DUSP19: variants seen among roughly 807,000 people sequenced by gnomAD.
The protein encoded by DUSP19 is dual specificity phosphatase 19.
A neutral mutation model predicts 16.6 loss-of-function variants in DUSP19; 14 were observed. The ratio of observed to expected loss-of-function variants is 0.84; its 90% CI spans 0.56 to 1.32. The LOEUF (loss-of-function observed/expected upper bound fraction) is 1.32. Ranked by LOEUF, DUSP19 falls within the 40% of genes most tolerant of loss-of-function variation. The pLI, the probability that DUSP19 is intolerant of heterozygous loss-of-function variation, is 0.00. For synonymous variants in DUSP19, 81 were observed against 90.5 expected, an observed-to-expected ratio of 0.90 and a Z score of 0.59; for missense variants, 258 against 255.9, an observed-to-expected ratio of 1.01 and a Z score of -0.06.
chr2:183,091,110 GT>G (rs1195488306), intron 3 of DUSP19, among the ~76,000 whole-genome samples: 1 of 152,152 alleles, frequency 6.6e-6, no homozygotes, highest in African/African-American at 2.4e-5. Flanking sequence ...TATTCTGGTA[GT>G]TGGTGATTCT....
chr2:183,090,004 C>A (rs1397926681), intron 3 of DUSP19, among the ~76,000 whole-genome samples: 2 of 152,044 alleles, frequency 1.3e-5, no homozygotes, highest in African/African-American at 4.8e-5. Flanking sequence ...AAATGCCTGA[C>A]GTCAAGTGAT....
At chr2:183,082,413 A>ATT (rs1699603481) in intron 1 of DUSP19, among the ~76,000 whole-genome samples, 1 of 125,388 alleles carries the variant, frequency 8.0e-6, no homozygotes, top group African/African-American at 3.2e-5. Flanking sequence ...CATTGAGAAC[A>ATT]TTTTTCTTTT....
Position 183,095,415 on chromosome 2 carries a change from G to GTTTT in DUSP19, c.427-8_427-5dup, listed in dbSNP as rs57818913. 5 of 1,267,208 alleles carry GTTTT rather than the reference G, an allele frequency of 3.9e-6. No homozygotes were observed. The highest frequency in any genetic ancestry group is 1.4e-5 in the South Asian group (1 of 69,722). The allele number at this position is 1,267,208 out of a possible 1,614,324, so 78.5% of individuals were successfully genotyped here. On this transcript the variant is annotated splice_polypyrimidine_tract_variant and intron_variant, in intron 3 of 3. Coordinates refer to ENST00000354221, the MANE Select transcript of DUSP19 (RefSeq NM_080876.4). ...AAATGAATAATGAAGATTTTTGTTT[G>GTTTT]TTTTTTTTTTTGTAGGATGGAGTGG...
intron 3 of DUSP19, 113 bp from the exon 4 acceptor site, chr2:183,095,314 AAATC>A (rs1699783497): frequency 1.2e-6 from 1 of 834,290 alleles, no homozygotes; most frequent in East Asian, 2.7e-5. Flanking sequence ...TGAATCAAAT[AAATC>A]AATAAAACTG....
In DUSP19 at chr2:183,087,041, T is replaced by C; in HGVS notation, c.275T>C (p.Val92Ala). ...HDLDTLKKNK[V>A]THILNVAYGV... ...TCATCTTTTTTCTTTCTCTTTAAGG[T>C]GACTCATATTCTTAATGTTGCATAT... is the stretch of plus-strand genomic sequence containing the variant. Residue 92 changes from valine (V) to alanine (A), a missense_variant and splice_region_variant, in exon 3 of 4, where the codon GTG (valine) becomes GCG (alanine). Val to Ala is a moderately conservative substitution (Grantham distance 64). Coordinates refer to ENST00000354221, the MANE Select transcript of DUSP19 (RefSeq NM_080876.4). The C allele has an allele frequency of 6.2e-7, 1 of 1,608,212 alleles. No individual in the cohort carries two copies. Among genetic ancestry groups the C allele is most frequent in the East Asian group, 2.2e-5 (1 of 44,698 alleles).
chr2:183,095,748 A>C lies in DUSP19; in HGVS notation c.*90A>C. 1 of 1,016,122 alleles carries C rather than the reference A, an allele frequency of 9.8e-7. No homozygotes were observed. The highest frequency in any genetic ancestry group is 1.4e-6 in the Non-Finnish European group (1 of 707,150). The allele number at this position is 1,016,122 out of a possible 1,614,324, so 62.9% of individuals were successfully genotyped here. The stretch of plus-strand genomic sequence containing the variant: ...CTTTTTTGGAGAGTAGACTAGCAAA[A>C]CTCCCTTTTTTCTCTTGCCTTTTTT... On this transcript the variant is annotated 3_prime_UTR_variant, in exon 4 of 4. Transcript: ENST00000354221.
At chr2:183,093,023 T>G (rs1699752907) in intron 3 of DUSP19, among the ~76,000 whole-genome samples, 1 of 152,054 alleles carries the variant, frequency 6.6e-6, no homozygotes, top group Middle Eastern at 3.2e-3. Flanking sequence ...TTAATGGAAG[T>G]TAAATATAAG....
intron 3 of DUSP19, among the ~76,000 whole-genome samples, chr2:183,093,950 A>C (rs1262668210): frequency 6.6e-6 from 1 of 152,180 alleles, no homozygotes; most frequent in East Asian, 1.9e-4. Flanking sequence ...ATTTTTAAAC[A>C]TCTTAAGTTT....
chr2:183,078,853 G>T lies in DUSP19; in HGVS notation c.-81G>T. ...ACCTCTGAGGCTGGCTTTGTTACCT[G>T]GGCAATAAGGGACTAGCAGTTCAGC... is the stretch of plus-strand genomic sequence containing the variant. On this transcript the variant is annotated 5_prime_UTR_variant, in exon 1 of 4. Transcript: ENST00000354221. 1 of 1,317,382 alleles carries T rather than the reference G, an allele frequency of 7.6e-7. No individual in the cohort carries two copies. Among genetic ancestry groups the T allele is most frequent in the Non-Finnish European group, 1.1e-6 (1 of 946,884 alleles). The allele number at this position is 1,317,382 out of a possible 1,614,324, so 81.6% of individuals were successfully genotyped here. A position where few individuals can be genotyped will look rare whatever the true frequency, so the allele number is the denominator to read the frequency against.
chr2:183,089,613 A>G (rs1699706894), intron 3 of DUSP19, among the ~76,000 whole-genome samples: 1 of 152,206 alleles, frequency 6.6e-6, no homozygotes, highest in Non-Finnish European at 1.5e-5. Context: ...CAAAAGTGAA[A>G]GCAGGGGAGA....
In DUSP19 at chr2:183,078,805, T is replaced by A. The variant is rs1290279517; in HGVS notation, c.-129T>A. On this transcript the variant is annotated 5_prime_UTR_variant, in exon 1 of 4. Transcript: ENST00000354221. ...ACTCAGTCTCTTGGTCTGTGGCTGC[T>A]GCGGTTACCTGGATGGGCGAGCACC... is the stretch of plus-strand genomic sequence containing the variant. 1.3e-6 allele frequency: 1 copy of A among 768,546 alleles called. No individual in the cohort carries two copies. Among genetic ancestry groups the A allele is most frequent in the Non-Finnish European group, 2.1e-6 (1 of 479,152 alleles). The allele number at this position is 768,546 out of a possible 1,614,324, so 47.6% of individuals were successfully genotyped here. A position where few individuals can be genotyped will look rare whatever the true frequency, so the allele number is the denominator to read the frequency against.
intron 3 of DUSP19, among the ~76,000 whole-genome samples, chr2:183,091,177 C>A (rs748774408): frequency 2.6e-5 from 4 of 151,864 alleles, no homozygotes; most frequent in Non-Finnish European, 4.4e-5. Context: ...GTTTTTTGTT[C>A]AATAGAAGTA....
intron 2 of DUSP19, among the ~76,000 whole-genome samples, chr2:183,085,646 A>G (rs1188385150): frequency 1.3e-5 from 2 of 152,032 alleles, no homozygotes; most frequent in African/African-American, 2.4e-5. Context: ...AGCTTTGAGC[A>G]TGTTTTAAGG....
In DUSP19 at chr2:183,095,666, T is replaced by C. The variant is rs1239659406; in HGVS notation, c.*8T>C. The C allele has an allele frequency of 1.3e-6, 2 of 1,597,988 alleles. No individual in the cohort carries two copies. The highest frequency in any genetic ancestry group is 1.7e-6 in the Non-Finnish European group (2 of 1,167,932). On this transcript the variant is annotated 3_prime_UTR_variant, in exon 4 of 4. Transcript: ENST00000354221. ...CAGGAGAACAGTTCATGAGTTGCAT[T>C]GTAGCAGACAATGGACAACTGTAGT...
Position 183,095,641 on chromosome 2 carries a change from C to T in DUSP19, c.637C>T (p.Gln213Ter). The change falls in exon 4 of 4, where the codon CAG (glutamine) becomes TAG (stop). Residue 213 changes from glutamine to a stop codon, truncating the protein, a stop_gained. Transcript: ENST00000354221. LOFTEE classifies it high-confidence loss of function. The stretch of plus-strand genomic sequence containing the variant: ...AGAAAGCAATAAGTGTGACAGAATA[C>T]AGGAGAACAGTTCATGAGTTGCATT... ...GKESNKCDRIQENSS is the reference protein window; with the variant it reads ...GKESNKCDRI 1 of 1,613,306 alleles carries T rather than the reference C, an allele frequency of 6.2e-7. No individual in the cohort carries two copies. Among genetic ancestry groups the T allele is most frequent in the Non-Finnish European group, 8.5e-7 (1 of 1,179,412 alleles).
At chr2:183,084,068 C>T (rs772191624) in intron 2 of DUSP19, among the ~76,000 whole-genome samples, 11 of 152,138 alleles carry the variant, frequency 7.2e-5, no homozygotes, top group Non-Finnish European at 1.5e-4. Flanking sequence ...TTCTTGTTCA[C>T]TTGAAGCGTA....
At chr2:183,088,755 T>C (rs2105502241) in intron 3 of DUSP19, among the ~76,000 whole-genome samples, 1 of 152,308 alleles carries the variant, frequency 6.6e-6, no homozygotes, top group East Asian at 1.9e-4. Context: ...AAGCCTAATA[T>C]TGGCCATTCT....
rs1699824554 is a variant in DUSP19 at position 183,097,902 on chromosome 2, A to G, written c.*2244A>G. The G allele has an allele frequency of 6.6e-6, 1 of 151,942 alleles. No individual in the cohort carries two copies. Among genetic ancestry groups the G allele is most frequent in the Non-Finnish European group, 1.5e-5 (1 of 67,972 alleles). The allele number at this position is 151,942 out of a possible 1,614,324, so 9.4% of individuals were successfully genotyped here. ...GAGTTTTGCTCTTAATGATATTATTATTATTTGAGACAGAGTTTTGCTCTT... is the reference window on the plus strand; with the variant it reads ...GAGTTTTGCTCTTAATGATATTATTGTTATTTGAGACAGAGTTTTGCTCTT... On this transcript the variant is annotated 3_prime_UTR_variant, in exon 4 of 4. Coordinates refer to ENST00000354221, the MANE Select transcript of DUSP19 (RefSeq NM_080876.4).
At chr2:183,087,004 G>A (rs1333464226) in intron 2 of DUSP19, 36 bp from the exon 3 acceptor site, 1 of 1,589,654 alleles carries the variant, frequency 6.3e-7, no homozygotes, top group Non-Finnish European at 8.5e-7. Flanking sequence ...TAATTCATGG[G>A]ATTTAAAACA....
Sources: gnomAD v4.1 joint callset for allele counts (sites outside exome capture counted in the v4.1 genomes callset) on GRCh38, gnomAD v4.1.1 for gene constraint, MANE v1.5 for transcripts, NCBI Gene and HGNC (gene_info 2026-07-23, HGNC 2026-07-21) for gene names.